ZNF717: variants seen among roughly 807,000 people sequenced by gnomAD.
ZNF717 encodes krueppel-like factor X17.
In ZNF717, 9 loss-of-function variants were observed where a neutral mutation model predicts 13.8. That is an observed-to-expected ratio of 0.65 (90% CI 0.39 to 1.14). The LOEUF is 1.14. Among genes scored for constraint, ZNF717 ranks in the 50% most tolerant of loss-of-function variants. ZNF717 has a pLI of 0.01. For missense variants in ZNF717, 1,040 were observed against 1,080.7 expected (o/e 0.96, Z 0.53); for synonymous variants, 327 against 364.1 (o/e 0.90, Z 1.16).
intron 2 of ZNF717, among the ~76,000 whole-genome samples, chr3:75,743,029 G>A (rs74338749): frequency 7.3e-6 from 1 of 137,172 alleles, no homozygotes; most frequent in Non-Finnish European, 1.6e-5. Flanking sequence ...TGCAGAAAAC[G>A]ATATTCAATA....
At chr3:75,770,924 A>G (rs546137267) in intron 2 of ZNF717, among the ~76,000 whole-genome samples, 1 of 152,326 alleles carries the variant, frequency 6.6e-6, no homozygotes, top group Non-Finnish European at 1.5e-5. Context: ...CATTTGGATA[A>G]GCTGTTGAGA....
chr3:75,739,332 A>T lies in ZNF717; in HGVS notation c.291T>A (p.Ile97=). The T allele has an allele frequency of 6.8e-7, 1 of 1,478,638 alleles. No homozygotes were observed. The highest frequency in any genetic ancestry group is 9.0e-7 in the Non-Finnish European group (1 of 1,116,590). 91.6% of individuals were successfully genotyped at this position (1,478,638 alleles called of 1,614,324 possible). The part of the protein sequence containing the change: ...PNLRLSAVQI[I]DDLIERSHES... ...CATGGCTCCTTTCAATAAGGTCATCAATGATCTGGACAGCTGAAATGAGAA... is the reference window on the plus strand; with the variant it reads ...CATGGCTCCTTTCAATAAGGTCATCTATGATCTGGACAGCTGAAATGAGAA... The change falls in exon 5 of 5, where the codon ATT becomes ATA. Residue 97 remains isoleucine (I), a synonymous_variant. Transcript: ENST00000652011.
chr3:75,713,128 A>G (rs1937977108), intron 5 of ZNF717, among the ~76,000 whole-genome samples: 1 of 151,972 alleles, frequency 6.6e-6, no homozygotes, highest in Non-Finnish European at 1.5e-5. Context: ...CCACAAAAAG[A>G]ATTATCCATA....
chr3:75,781,390 G>GAC (rs1257233766), intron 2 of ZNF717, among the ~76,000 whole-genome samples: 10 of 152,150 alleles, frequency 6.6e-5, no homozygotes, highest in Admixed American at 6.5e-4. Flanking sequence ...GAGTCTCTGT[G>GAC]AATCTGCTGT....
In ZNF717 at chr3:75,738,194, T is replaced by C. The variant is rs1939739822; in HGVS notation, c.1429A>G (p.Lys477Glu). ...RLHQRTHTGE[K>E]PYECNECGKT... is the part of the protein sequence containing the mutation. ...CCACATTCATTGCATTCATAGGGTT[T>C]TTCCCCTGTGTGAGTTCTCTGATGT... is the stretch of plus-strand genomic sequence containing the variant. The change falls in exon 5 of 5, where the codon AAA (lysine) becomes GAA (glutamate). Residue 477 changes from lysine to glutamate, a missense_variant. This residue lies in a region of ZNF717 where 873 missense variants were observed against 832.8 expected (regional missense o/e 1.05). Coordinates refer to ENST00000652011, the MANE Select transcript of ZNF717 (RefSeq NM_001290208.3). 1 of 1,560,938 alleles carries C rather than the reference T, an allele frequency of 6.4e-7. No homozygotes were observed. Among genetic ancestry groups the C allele is most frequent in the African/African-American group, 1.4e-5 (1 of 72,924 alleles).
At chr3:75,703,462 G>C (rs1353590221) in intron 6 of ZNF717, among the ~76,000 whole-genome samples, 1 of 152,210 alleles carries the variant, frequency 6.6e-6, no homozygotes. Flanking sequence ...TCTGGGAGAT[G>C]GAGGTTTCAG....
At chr3:75,759,646 G>A (rs1325288369) in intron 2 of ZNF717, among the ~76,000 whole-genome samples, 1 of 151,980 alleles carries the variant, frequency 6.6e-6, no homozygotes, top group African/African-American at 2.4e-5. Context: ...TTGGCTCACT[G>A]CAACCTCTGC....
At chr3:75,769,508 G>A (rs965411217) in intron 2 of ZNF717, among the ~76,000 whole-genome samples, 6 of 152,172 alleles carry the variant, frequency 3.9e-5, no homozygotes, top group African/African-American at 1.4e-4. Context: ...CCTGGTTTAA[G>A]CCAGCAAGGT....
chr3:75,713,971 G>A (rs1164928344), intron 5 of ZNF717, among the ~76,000 whole-genome samples: 1 of 152,144 alleles, frequency 6.6e-6, no homozygotes, highest in African/African-American at 2.4e-5. Context: ...TGGGGAGAGA[G>A]AGAGACAGAG....
chr3:75,759,556 G>A (rs1415286075), intron 2 of ZNF717, among the ~76,000 whole-genome samples: 2 of 152,050 alleles, frequency 1.3e-5, no homozygotes, highest in African/African-American at 4.8e-5. Context: ...ACAGGTGTGA[G>A]CCACCGCGCC....
chr3:75,749,184 C>T (rs1466170405), intron 2 of ZNF717, among the ~76,000 whole-genome samples: 42 of 151,142 alleles, frequency 2.8e-4, no homozygotes, highest in African/African-American at 9.7e-4. Context: ...GATTCCAGAA[C>T]ACCATGGCGA....
rs1254690898 is a variant in ZNF717, at chr3:75,723,946, G to A, written n.545-7405C>T. Among the ~76,000 whole-genome samples, 168 of 152,318 alleles carry A rather than the reference G, an allele frequency of 1.1e-3. 1 individual carries two copies. Among genetic ancestry groups the A allele is most frequent in the African/African-American group, 3.8e-3 (160 of 41,560 alleles). On this transcript the variant is annotated intron_variant and non_coding_transcript_variant, in intron 4 of 5. Transcript: ENST00000491507. ...TGTGATGCTGTGCTTCAGCGGTCACGCTCCTGGTCTGCTTTCATGTTCCGC... is the reference window on the plus strand; with the variant it reads ...TGTGATGCTGTGCTTCAGCGGTCACACTCCTGGTCTGCTTTCATGTTCCGC...
chr3:75,722,962 T>C (rs1170336252), intron 4 of ZNF717, among the ~76,000 whole-genome samples: 4 of 152,176 alleles, frequency 2.6e-5, no homozygotes, highest in Admixed American at 6.5e-5. Context: ...TAGGTCTATT[T>C]TCAATGTTAA....
At chr3:75,746,294 C>G (rs1231275537) in intron 2 of ZNF717, among the ~76,000 whole-genome samples, 1 of 151,854 alleles carries the variant, frequency 6.6e-6, no homozygotes, top group African/African-American at 2.4e-5. Flanking sequence ...TTGGACATTT[C>G]AGTTGGTTCC....
chr3:75,720,248 A>G (rs990206967), intron 4 of ZNF717, among the ~76,000 whole-genome samples: 10 of 152,224 alleles, frequency 6.6e-5, no homozygotes, highest in African/African-American at 1.9e-4. Context: ...GTGCACATCA[A>G]TGATGAACAG....
intron 2 of ZNF717, among the ~76,000 whole-genome samples, chr3:75,777,680 C>A (rs540914452): frequency 7.4e-5 from 11 of 148,944 alleles, no homozygotes; most frequent in African/African-American, 2.2e-4. Context: ...ATGGGAGTGA[C>A]TTGCAAAAAC....
chr3:75,731,940 T>C, downstream of ZNF717: 1 of 644,194 alleles, frequency 1.6e-6, no homozygotes, highest in Non-Finnish European at 2.8e-6. Flanking sequence ...GAACCAGTGC[T>C]GGAGTAGAAA....
chr3:75,762,432 C>T (rs191155649), intron 2 of ZNF717, among the ~76,000 whole-genome samples: 134 of 124,848 alleles, frequency 1.1e-3, no homozygotes, highest in African/African-American at 4.3e-3. Flanking sequence ...CAGAGCAAGA[C>T]TCCATCTCAA....
downstream of ZNF717, among the ~76,000 whole-genome samples, chr3:75,705,814 A>G (rs797015579): frequency 2.0e-5 from 3 of 152,054 alleles, no homozygotes; most frequent in South Asian, 2.1e-4. Flanking sequence ...AGGAAAAACT[A>G]AAACAATTTT....
Sources: allele counts gnomAD v4.1 joint callset (sites outside exome capture counted in the v4.1 genomes callset), GRCh38; gene constraint gnomAD v4.1.1; regional missense constraint gnomAD v4.1.1; transcripts MANE v1.5; gene names NCBI Gene and HGNC (gene_info 2026-07-23, HGNC 2026-07-21).